The following ZNF479 variants were observed in gnomAD, a reference collection of about 807,000 sequenced individuals.
ZNF479 encodes zinc finger protein 479.
In ZNF479, 15 loss-of-function variants were observed where a neutral mutation model predicts 14.7. The observed-to-expected ratio is 1.02, with a 90% CI of 0.68 to 1.57. The LOEUF is 1.57. ZNF479 is among the 40% of genes most tolerant of loss of function. The pLI is 0.00. For missense variants in ZNF479, 506 were observed against 615.1 expected, an observed-to-expected ratio of 0.82 and a Z score of 1.88; for synonymous variants, 145 against 211.5, an observed-to-expected ratio of 0.69 and a Z score of 2.73.
In ZNF479 at chr7:57,126,128, A is replaced by G. The variant is rs1477450423; in HGVS notation, c.167-15T>C. On this transcript the variant is annotated splice_polypyrimidine_tract_variant and intron_variant, in intron 2 of 3. Transcript: ENST00000319636. The stretch of plus-strand genomic sequence containing the variant: ...GACAGCAATACCTGTTTTATTAAGA[A>G]AAAAAAGTAACATAGATCATGCTGA... 6.3e-7 allele frequency: 1 copy of G among 1,586,804 alleles called. No homozygotes were observed. Among genetic ancestry groups the G allele is most frequent in the Admixed American group, 1.8e-5 (1 of 55,704 alleles).
At chr7:57,127,165 G>A (rs1786212277) in intron 1 of ZNF479, among the ~76,000 whole-genome samples, 1 of 151,828 alleles carries the variant, frequency 6.6e-6, no homozygotes, top group South Asian at 2.1e-4. Context: ...TGGGACTACA[G>A]GCATGAGCCA....
upstream of ZNF479, among the ~76,000 whole-genome samples, chr7:57,134,451 C>G (rs1037231192): frequency 1.3e-5 from 2 of 152,138 alleles, no homozygotes; most frequent in African/African-American, 4.8e-5. Context: ...GAGAAACACC[C>G]AGTTCTGGAA....
At position 57,126,663 on chromosome 7, in the gene ZNF479, C is replaced by T; in HGVS notation, c.95G>A (p.Cys32Tyr). 2 of 1,613,244 alleles carry T rather than the reference C, an allele frequency of 1.2e-6. No individual in the cohort carries two copies. The highest frequency in any genetic ancestry group is 8.5e-7 in the Non-Finnish European group (1 of 1,179,302). Residue 32 changes from cysteine to tyrosine, a missense_variant, in exon 2 of 4, where the codon TGC (cysteine) becomes TAC (tyrosine). Transcript: ENST00000319636. ...AIEFSLEEWQ[C>Y]LDCAQRNLYR... The stretch of plus-strand genomic sequence containing the variant: ...TAAATTCCGCTGAGCACAATCCAGG[C>T]ATTGCCATTCCTCCAGAGAGAATTC...
intron 1 of ZNF479, among the ~76,000 whole-genome samples, chr7:57,137,633 C>G (rs535294103): frequency 6.6e-6 from 1 of 152,322 alleles, no homozygotes; most frequent in East Asian, 1.9e-4. Context: ...ATCTCTGAAC[C>G]TTTTCACAGG....
In ZNF479 at chr7:57,118,834, AG is replaced by A. The variant is rs1785782399; in HGVS notation, c.*1005del. Among the ~76,000 whole-genome samples, 1 of 148,794 alleles carries A rather than the reference AG, an allele frequency of 6.7e-6. No individual in the cohort carries two copies. The highest frequency in any genetic ancestry group is 2.4e-5 in the African/African-American group (1 of 41,300). On this transcript the variant is annotated 3_prime_UTR_variant, in exon 4 of 4. Coordinates refer to ENST00000319636, the MANE Select transcript of ZNF479 (RefSeq NM_001370129.2). ...GTTTTGCCACATTCTTCATATTTGT[AG>A]GAGTCTTCTTCAGTATAAACTATCT...
intron 1 of ZNF479, 78 bp downstream of exon 1, chr7:57,132,208 T>C: frequency 3.7e-6 from 6 of 1,612,678 alleles, no homozygotes; most frequent in Non-Finnish European, 5.1e-6. Context: ...CAAGAAAGTC[T>C]GGGACCTGCT....
At chr7:57,133,813 C>G (rs949919995), upstream of ZNF479, among the ~76,000 whole-genome samples, 2 of 151,870 alleles carry the variant, frequency 1.3e-5, no homozygotes, top group Admixed American at 1.3e-4. Context: ...TTGCAGTGAC[C>G]CGAGATCACA....
chr7:57,120,062 G>A lies in ZNF479; in HGVS notation c.1353C>T (p.Thr451=), dbSNP rs1454805895. 1.1e-5 allele frequency: 18 copies of A among 1,613,216 alleles called. No individual in the cohort carries two copies. The highest frequency in any genetic ancestry group is 1.4e-5 in the Non-Finnish European group (17 of 1,179,782). The change falls in exon 4 of 4, where the codon ACC becomes ACT. Residue 451 remains threonine, a synonymous_variant. Coordinates refer to ENST00000319636, the MANE Select transcript of ZNF479 (RefSeq NM_001370129.2). ...ECGKAFSLSS[T]LTDHKRIHTG... The stretch of plus-strand genomic sequence containing the variant: ...TATGAATTCTCTTGTGGTCAGTGAG[G>A]GTTGAGGATAAGCTAAAGGCTTTGC...
upstream of ZNF479, among the ~76,000 whole-genome samples, chr7:57,133,830 C>T (rs535777984): frequency 6.6e-5 from 10 of 152,282 alleles, no homozygotes; most frequent in East Asian, 1.9e-3. Flanking sequence ...CACACCACAG[C>T]ACCCCAGCCT....
chr7:57,139,381 C>T (rs1786785182), intron 1 of ZNF479, among the ~76,000 whole-genome samples: 1 of 152,206 alleles, frequency 6.6e-6, no homozygotes, highest in African/African-American at 2.4e-5. Flanking sequence ...GGGGTTCAGG[C>T]TCTCATGCAC....
chr7:57,119,600 C>G lies in ZNF479; in HGVS notation c.*240G>C. The G allele has an allele frequency of 2.2e-6, 1 of 457,740 alleles. No individual in the cohort carries two copies. Among genetic ancestry groups the G allele is most frequent in the South Asian group, 2.5e-5 (1 of 40,744 alleles). The allele number at this position is 457,740 out of a possible 1,614,324, so 28.4% of individuals were successfully genotyped here. ...CCAGCCTGGGTGACACAGGGAGACT[C>G]CAACTCAAAAAAATTTTTTTAAAAT... On this transcript the variant is annotated 3_prime_UTR_variant, in exon 4 of 4. Coordinates refer to ENST00000319636, the MANE Select transcript of ZNF479 (RefSeq NM_001370129.2).
intron 1 of ZNF479, among the ~76,000 whole-genome samples, chr7:57,130,492 G>A (rs2115889174): frequency 6.6e-6 from 1 of 151,300 alleles, no homozygotes; most frequent in South Asian, 2.1e-4. Flanking sequence ...AAAATTCAAA[G>A]GAACCAGAAG....
upstream of ZNF479, among the ~76,000 whole-genome samples, chr7:57,132,917 CA>C (rs1786500285): frequency 6.6e-6 from 1 of 151,966 alleles, no homozygotes; most frequent in East Asian, 1.9e-4. Context: ...GCCGGCAGGT[CA>C]CTAGTTCAGG....
At chr7:57,121,637 T>C (rs1216745362) in intron 3 of ZNF479, among the ~76,000 whole-genome samples, 1 of 152,090 alleles carries the variant, frequency 6.6e-6, no homozygotes, top group African/African-American at 2.4e-5. Context: ...ACAAAACACA[T>C]CCTGAGAACA....
chr7:57,131,480 T>C (rs1786414078), intron 1 of ZNF479, among the ~76,000 whole-genome samples: 1 of 151,470 alleles, frequency 6.6e-6, no homozygotes, highest in Admixed American at 6.6e-5. Context: ...GGACAATTAC[T>C]TGAACCTGGG....
chr7:57,124,407 C>T (rs186167702), intron 3 of ZNF479, among the ~76,000 whole-genome samples: 23 of 152,282 alleles, frequency 1.5e-4, no homozygotes, highest in African/African-American at 5.5e-4. Context: ...GAAAACTGGA[C>T]ATCTACATTG....
intron 1 of ZNF479, among the ~76,000 whole-genome samples, chr7:57,129,119 C>T (rs895275833): frequency 6.6e-6 from 1 of 152,136 alleles, no homozygotes; most frequent in Non-Finnish European, 1.5e-5. Context: ...GTTTCTTTGT[C>T]CCTGCCCTCC....
In ZNF479 at chr7:57,120,843, C is replaced by T. The variant is rs782465535; in HGVS notation, c.572G>A (p.Gly191Asp). 35 of 1,613,676 alleles carry T rather than the reference C, an allele frequency of 2.2e-5. No homozygotes were observed. The South Asian group carries it at 2.9e-4, about 13-fold the overall frequency. The change falls in exon 4 of 4, where the codon GGC (glycine) becomes GAC (aspartate). Residue 191 changes from glycine to aspartate, a missense_variant. Gly to Asp is a moderately conservative substitution (Grantham distance 94). Transcript: ENST00000319636. ...GNKHFKCNKY[G>D]KSFCMLSHLN... ...GTGTGAAAGCATGCAAAATGATTTG[C>T]CATATTTGTTACATTTGAAATGTTT...
rs1785887922 is a variant in ZNF479, at chr7:57,120,637, T to C, written c.778A>G (p.Lys260Glu). Residue 260 changes from lysine to glutamate, a missense_variant, in exon 4 of 4, where the codon AAG becomes GAG. By Grantham distance (56) the Lys-to-Glu change is moderately conservative. Around this residue, in one of 3 missense-constraint regions of ZNF479, gnomAD observed 420 missense variants for 474.2 expected, o/e 0.89. Coordinates refer to ENST00000319636, the MANE Select transcript of ZNF479 (RefSeq NM_001370129.2). ...GGTTTCTCTCCAGTATGAGTTCTCT[T>C]ATGTCTAGTAAGGTTTGCAGACCAG... ...FSWSANLTRH[K>E]RTHTGEKPYT... 6.2e-7 allele frequency: 1 copy of C among 1,613,850 alleles called. No individual in the cohort carries two copies. The highest frequency in any genetic ancestry group is 1.3e-5 in the African/African-American group (1 of 74,934).
Sources: gnomAD v4.1 joint callset for allele counts (sites outside exome capture counted in the v4.1 genomes callset) on GRCh38, gnomAD v4.1.1 for gene constraint, gnomAD v4.1.1 regional missense constraint, MANE v1.5 for transcripts, NCBI Gene and HGNC (gene_info 2026-07-23, HGNC 2026-07-21) for gene names.